BPIFA1: variants seen among roughly 807,000 people sequenced by gnomAD.
BPIFA1 encodes the protein BPI fold containing family A member 1.
In BPIFA1, 24 loss-of-function variants were observed where a neutral mutation model predicts 25.1. The ratio of observed to expected loss-of-function variants is 0.96; its 90% confidence interval spans 0.69 to 1.35. The LOEUF is 1.35. Ranked by LOEUF, BPIFA1 falls within the 40% of genes most tolerant of loss-of-function variation. The pLI is 0.00. For missense variants in BPIFA1, 344 were observed against 303.7 expected (o/e 1.13, Z -0.99); for synonymous variants, 139 against 131.8 (o/e 1.05, Z -0.37).
Position 33,240,638 on chromosome 20 carries a change from A to AGAT in BPIFA1, c.581+254_581+256dup, listed in dbSNP as rs1402960783. 3.2e-3 allele frequency among the ~76,000 whole-genome samples: 430 copies of AGAT among 133,944 alleles called. 2 individuals are homozygous for AGAT. Among genetic ancestry groups the AGAT allele is most frequent in the African/African-American group, 9.9e-3 (362 of 36,662 alleles). The allele number at this position is 133,944 out of a possible 152,430, so 87.9% of individuals were successfully genotyped here. ...AGGATGAATAGATAGATGGATGGAT[A>AGAT]GATAGATGATAGATAGATAGATAGA... On this transcript the variant is annotated intron_variant, in intron 5 of 8. Coordinates refer to ENST00000354297, the MANE Select transcript of BPIFA1 (RefSeq NM_130852.3).
intron 6 of BPIFA1, 79 bp downstream of exon 6, chr20:33,241,548 G>T (rs979594426): frequency 8.0e-7 from 1 of 1,254,762 alleles, no homozygotes; most frequent in African/African-American, 1.5e-5. Context: ...GAGCTAAGTG[G>T]GTCCGAGTCC....
At chr20:33,241,289 T>G in intron 5 of BPIFA1, 96 bp from the exon 6 acceptor site, 1 of 1,152,698 alleles carries the variant, frequency 8.7e-7, no homozygotes, top group Non-Finnish European at 1.3e-6. Flanking sequence ...CTTTAGTGAC[T>G]GAGTGTTGAG....
In BPIFA1 at chr20:33,241,917, G is replaced by A. The variant is rs1335624222; in HGVS notation, c.667-139G>A. ...GCCTCCAGTTTCTCCTCAGGCATGTGTGACCATTGATCTGTGGGATTGCTT... is the reference window on the plus strand; with the variant it reads ...GCCTCCAGTTTCTCCTCAGGCATGTATGACCATTGATCTGTGGGATTGCTT... On this transcript the variant is annotated intron_variant, in intron 6 of 8. Transcript: ENST00000354297. The A allele has an allele frequency of 4.0e-6, 3 of 756,530 alleles. No homozygotes were observed. In the African/African-American group the frequency reaches 5.2e-5, roughly 13 times the overall value. The allele number at this position is 756,530 out of a possible 1,614,324, so 46.9% of individuals were successfully genotyped here.
chr20:33,241,695 T>C (rs1978985679), intron 6 of BPIFA1, among the ~76,000 whole-genome samples: 1 of 152,206 alleles, frequency 6.6e-6, no homozygotes, highest in African/African-American at 2.4e-5. Flanking sequence ...ACACTGAAGC[T>C]GAAATGGATT....
rs533550245 is a variant in BPIFA1 at position 33,239,887 on chromosome 20, C to T, written c.405C>T (p.Leu135=). 3.0e-5 allele frequency: 48 copies of T among 1,614,062 alleles called. No homozygotes were observed. Among genetic ancestry groups the T allele is most frequent in the Middle Eastern group, 1.7e-4 (1 of 6,060 alleles). ...DGHRLYVTIP[L]GIKLQVNTPL... ...ACCGTCTCTATGTCACCATCCCTCT[C>T]GGCATAAAGCTCCAAGTGAATACGT... Residue 135 remains leucine, a synonymous_variant, in exon 4 of 9, where the codon CTC becomes CTT. Coordinates refer to ENST00000354297, the MANE Select transcript of BPIFA1 (RefSeq NM_130852.3).
chr20:33,242,616 G>A, intron 8 of BPIFA1, 55 bp downstream of exon 8: 1 of 1,326,612 alleles, frequency 7.5e-7, no homozygotes, highest in Non-Finnish European at 1.1e-6. Flanking sequence ...TCTTCTCCTG[G>A]TAGAAGGCAG....
intron 3 of BPIFA1, among the ~76,000 whole-genome samples, chr20:33,238,675 C>T (rs143956897): frequency 1.3e-5 from 2 of 152,264 alleles, no homozygotes; most frequent in Non-Finnish European, 2.9e-5. Context: ...TTGATGTTAG[C>T]GAGAGTATAA....
rs2146499867 is a variant in BPIFA1, at chr20:33,239,885, C to T, written c.403C>T (p.Leu135Phe). Residue 135 changes from leucine to phenylalanine, a missense_variant, in exon 4 of 9, where the codon CTC becomes TTC. Transcript: ENST00000354297. ...CCACCGTCTCTATGTCACCATCCCT[C>T]TCGGCATAAAGCTCCAAGTGAATAC... The part of the protein sequence containing the change: ...DGHRLYVTIP[L>F]GIKLQVNTPL... The T allele has an allele frequency of 6.2e-7, 1 of 1,614,184 alleles. No individual in the cohort carries two copies. Among genetic ancestry groups the T allele is most frequent in the Non-Finnish European group, 8.5e-7 (1 of 1,180,004 alleles).
At chr20:33,236,584 T>C (rs1451505301) in intron 1 of BPIFA1, among the ~76,000 whole-genome samples, 1 of 152,286 alleles carries the variant, frequency 6.6e-6, no homozygotes, top group East Asian at 1.9e-4. Context: ...AGTCACCAGT[T>C]GTCTCCAAAT....
At position 33,240,645 on chromosome 20, in the gene BPIFA1, TGATAGATA is replaced by T. The variant is rs10677321; in HGVS notation, c.581+297_581+304del. ...ATAGATAGATGGATGGATAGATAGA[TGATAGATA>T]GATAGATAGATAGATAGATAGATAG... On this transcript the variant is annotated intron_variant, in intron 5 of 8. Coordinates refer to ENST00000354297, the MANE Select transcript of BPIFA1 (RefSeq NM_130852.3). Among the ~76,000 whole-genome samples, 931 of 142,946 alleles carry T rather than the reference TGATAGATA, an allele frequency of 6.5e-3. 5 individuals carry two copies. Among genetic ancestry groups the T allele is most frequent in the African/African-American group, 8.8e-3 (330 of 37,318 alleles). 93.8% of individuals were successfully genotyped at this position (142,946 alleles called of 152,430 possible).
chr20:33,241,887 C>A (rs1019251257), intron 6 of BPIFA1, among the ~76,000 whole-genome samples, 169 bp from the exon 7 acceptor site: 3 of 152,218 alleles, frequency 2.0e-5, no homozygotes, highest in Admixed American at 1.3e-4. Context: ...CACAACATCC[C>A]TCATGCCTCC....
chr20:33,240,390 G>A lies in BPIFA1; in HGVS notation c.581+5G>A, dbSNP rs1333382426. The A allele has an allele frequency of 6.2e-7, 1 of 1,613,878 alleles. No individual in the cohort carries two copies. Among genetic ancestry groups the A allele is most frequent in the Non-Finnish European group, 8.5e-7 (1 of 1,179,920 alleles). ...GCAAATTTCTCTGCTTGATGGGTGAGGCCAGAGGAGCAGCTTATCCTGCCC... is the reference window on the plus strand; with the variant it reads ...GCAAATTTCTCTGCTTGATGGGTGAAGCCAGAGGAGCAGCTTATCCTGCCC... On this transcript the variant is annotated splice_donor_5th_base_variant and intron_variant, in intron 5 of 8. Transcript: ENST00000354297.
chr20:33,237,980 G>T (rs534398489), intron 2 of BPIFA1, 75 bp from the exon 3 acceptor site: 2 of 1,554,884 alleles, frequency 1.3e-6, no homozygotes, highest in Admixed American at 3.6e-5. Context: ...GAGGGACAGG[G>T]CTGGATGGGG....
intron 7 of BPIFA1, 53 bp from the exon 8 acceptor site, chr20:33,242,434 A>G (rs1056362325): frequency 1.3e-6 from 2 of 1,599,436 alleles, no homozygotes; most frequent in Non-Finnish European, 8.6e-7. Flanking sequence ...GGACTCCTTC[A>G]CGTTGAGATC....
rs375711911 is a variant in BPIFA1, at chr20:33,239,839, C to A, written c.357C>A (p.Gly119=). The A allele has an allele frequency of 6.2e-7, 1 of 1,614,190 alleles. No homozygotes were observed. The highest frequency in any genetic ancestry group is 2.2e-5 in the East Asian group (1 of 44,888). The change falls in exon 4 of 9, where the codon GGC becomes GGA. Residue 119 remains glycine (G), a synonymous_variant. Coordinates refer to ENST00000354297, the MANE Select transcript of BPIFA1 (RefSeq NM_130852.3). ...CTGACCCCCAGCTGCTGGAACTTGG[C>A]CTTGTGCAGAGCCCTGATGGCCACC... ...KVTDPQLLEL[G]LVQSPDGHRL...
rs535724538 is a variant in BPIFA1 at position 33,241,386 on chromosome 20, C to T, written c.583C>T (p.Leu195Phe). The T allele has an allele frequency of 2.5e-6, 4 of 1,613,082 alleles. No homozygotes were observed. Among genetic ancestry groups the T allele is most frequent in the Admixed American group, 1.7e-5 (1 of 60,030 alleles). ...TCACCCATGACTTTTCTCTTTCAGACTTGGCCCCCTCCCCATTCAAGGTCT... is the reference window on the plus strand; with the variant it reads ...TCACCCATGACTTTTCTCTTTCAGATTTGGCCCCCTCCCCATTCAAGGTCT... ...GSLQISLLDG[L>F]GPLPIQGLLD... The change falls in exon 6 of 9, where the codon CTT (leucine) becomes TTT (phenylalanine). Residue 195 changes from leucine to phenylalanine, a missense_variant and splice_region_variant. Transcript: ENST00000354297.
At position 33,237,724 on chromosome 20, in the gene BPIFA1, G is replaced by T. The variant is rs760530605; in HGVS notation, c.13G>T (p.Gly5Trp). 5.5e-6 allele frequency: 8 copies of T among 1,462,640 alleles called. No individual in the cohort carries two copies. Among genetic ancestry groups the T allele is most frequent in the Non-Finnish European group, 7.2e-6 (8 of 1,104,002 alleles). The allele number at this position is 1,462,640 out of a possible 1,614,324, so 90.6% of individuals were successfully genotyped here. A position where few individuals can be genotyped will look rare whatever the true frequency, so the allele number is the denominator to read the frequency against. The change falls in exon 2 of 9, where the codon GGG becomes TGG. Residue 5 changes from glycine to tryptophan, a missense_variant. By Grantham distance (184) the Gly-to-Trp change is radical. Transcript: ENST00000354297. Reference sequence around the variant, plus strand: ...ACTAAGAGCAAAGATGTTTCAAACTGGGGGCCTCATTGTCTTCTACGGGCT... The same window carrying T: ...ACTAAGAGCAAAGATGTTTCAAACTTGGGGCCTCATTGTCTTCTACGGGCT... MFQT[G>W]GLIVFYGLLA...
At chr20:33,242,395 A>T in intron 7 of BPIFA1, 92 bp from the exon 8 acceptor site, 9 of 1,487,654 alleles carry the variant, frequency 6.0e-6, no homozygotes, top group Non-Finnish European at 8.3e-6. Context: ...AGAGGCCTCC[A>T]TTCCCTGGCC....
chr20:33,240,243 G>A lies in BPIFA1; in HGVS notation c.439G>A (p.Gly147Ser), dbSNP rs150291190. ...CTGTCTCCTTTGCAGGCCCCTGGTC[G>A]GTGCAAGTCTGTTGAGGCTGGCTGT... Reference protein sequence around the residue: ...IKLQVNTPLVGASLLRLAVKL... With the variant: ...IKLQVNTPLVSASLLRLAVKL... Residue 147 changes from glycine (G) to serine (S), a missense_variant, in exon 5 of 9, where the codon GGT becomes AGT. Coordinates refer to ENST00000354297, the MANE Select transcript of BPIFA1 (RefSeq NM_130852.3). 1.0e-4 allele frequency: 166 copies of A among 1,613,882 alleles called. No homozygotes were observed. Among genetic ancestry groups the A allele is most frequent in the Admixed American group, 2.0e-4 (12 of 59,998 alleles).
Sources: allele counts gnomAD v4.1 joint callset (sites outside exome capture counted in the v4.1 genomes callset), GRCh38; gene constraint gnomAD v4.1.1; transcripts MANE v1.5; gene names NCBI Gene and HGNC (gene_info 2026-07-23, HGNC 2026-07-21).